The following INPP4B variants were observed in gnomAD, a reference collection of about 807,000 sequenced individuals.
The protein encoded by INPP4B is inositol polyphosphate 4-phosphatase type II.
Under a neutral mutation model 122.5 loss-of-function variants are expected in INPP4B, and 55 were observed. The observed-to-expected ratio is 0.45, with a 90% CI of 0.36 to 0.56. The LOEUF (loss-of-function observed/expected upper bound fraction) is 0.56. Ranked by LOEUF, INPP4B falls within the 20% of genes least tolerant of loss-of-function variation. The pLI, the probability that INPP4B is intolerant of heterozygous loss-of-function variation, is 0.00. For synonymous variants in INPP4B, 403 were observed against 388.7 expected, an observed-to-expected ratio of 1.04 and a Z score of -0.43; for missense variants, 1,000 against 1,097.7, an observed-to-expected ratio of 0.91 and a Z score of 1.26.
intron 2 of INPP4B, among the ~76,000 whole-genome samples, chr4:142,514,808 T>G (rs2149885970): frequency 6.8e-6 from 1 of 146,188 alleles, no homozygotes; most frequent in South Asian, 2.2e-4. Context: ...TTTTTTTTTT[T>G]TTTTTGAGAC....
chr4:142,785,606 T>A (rs1775654782), intron 1 of INPP4B, among the ~76,000 whole-genome samples: 1 of 151,992 alleles, frequency 6.6e-6, no homozygotes, highest in East Asian at 1.9e-4. Context: ...TTTGAAGATA[T>A]AATAATAGCA....
chr4:142,545,795 GTATATATATACACATATACATGTGTGTA>G lies in INPP4B; in HGVS notation c.-190-83097_-190-83070del, dbSNP rs201462044. Among the ~76,000 whole-genome samples the G allele has an allele frequency of 1.2e-3, 128 of 107,438 alleles. 2 individuals are homozygous for G. The highest frequency in any genetic ancestry group is 0.011 in the Middle Eastern group (2 of 190). The allele number at this position is 107,438 out of a possible 152,430, so 70.5% of individuals were successfully genotyped here. On this transcript the variant is annotated intron_variant, in intron 2 of 25. Transcript: ENST00000262992. ...TATATATATACACATATATATGTGT[GTATATATATACACATATACATGTGTGTA>G]TATATATATATATAAAATGGTCTGT...
chr4:142,346,698 T>C (rs1381481807), intron 7 of INPP4B, among the ~76,000 whole-genome samples: 2 of 151,918 alleles, frequency 1.3e-5, no homozygotes, highest in East Asian at 3.9e-4. Flanking sequence ...CTCAGTAAAA[T>C]AGATCAAATT....
chr4:142,745,463 CAT>C (rs1768574006), intron 1 of INPP4B, among the ~76,000 whole-genome samples: 1 of 151,882 alleles, frequency 6.6e-6, no homozygotes, highest in Non-Finnish European at 1.5e-5. Flanking sequence ...TGACCATTCA[CAT>C]GTTTTCTATA....
intron 2 of INPP4B, among the ~76,000 whole-genome samples, chr4:142,612,710 T>A (rs925698540): frequency 1.3e-5 from 2 of 152,180 alleles, no homozygotes; most frequent in African/African-American, 4.8e-5. Flanking sequence ...GGGCCTTTTT[T>A]ATGAGGGCAC....
Position 142,405,223 on chromosome 4 carries a change from T to A in INPP4B, c.238A>T (p.Ser80Cys), listed in dbSNP as rs1436286906. The A allele has an allele frequency of 6.2e-7, 1 of 1,603,254 alleles. No individual in the cohort carries two copies. Among genetic ancestry groups the A allele is most frequent in the South Asian group, 1.1e-5 (1 of 90,890 alleles). Residue 80 changes from serine to cysteine, a missense_variant, in exon 6 of 26, where the codon AGC (serine) becomes TGC (cysteine). Coordinates refer to ENST00000262992, the MANE Select transcript of INPP4B (RefSeq NM_001101669.3). Reference protein sequence around the residue: ...PVEQSLTRYSSTEIVEGTRDP... With the variant: ...PVEQSLTRYSCTEIVEGTRDP... ...CATCTCACCTCCACAATTTCGGTGC[T>A]GGAGTATCTTGTCAGACTCTGCTCC...
At chr4:142,157,950 C>T (rs1818084098) in intron 17 of INPP4B, among the ~76,000 whole-genome samples, 1 of 152,010 alleles carries the variant, frequency 6.6e-6, no homozygotes. Flanking sequence ...CACATCTTCA[C>T]ATCCTCCCTG....
chr4:142,652,905 G>C (rs1038767503), intron 2 of INPP4B, among the ~76,000 whole-genome samples: 2 of 152,118 alleles, frequency 1.3e-5, no homozygotes, highest in Non-Finnish European at 2.9e-5. Flanking sequence ...GCATTGCCAA[G>C]ACAATCCTAA....
chr4:142,428,499 C>T (rs1401652349), intron 5 of INPP4B, among the ~76,000 whole-genome samples: 1 of 149,894 alleles, frequency 6.7e-6, no homozygotes, highest in East Asian at 1.9e-4. Context: ...CTTTAAGTAC[C>T]TCTTTGTAGC....
chr4:142,540,999 C>T (rs1580324743), intron 2 of INPP4B, among the ~76,000 whole-genome samples: 1 of 152,130 alleles, frequency 6.6e-6, no homozygotes, highest in Non-Finnish European at 1.5e-5. Flanking sequence ...AAGACATGGT[C>T]GTCACATTGT....
chr4:142,369,587 A>AAAATAAAT (rs34391492), intron 7 of INPP4B, among the ~76,000 whole-genome samples: 1,495 of 142,440 alleles, frequency 0.01, 15 homozygotes, highest in East Asian at 0.027. Flanking sequence ...GAAAATTAAA[A>AAAATAAAT]AAATAAATAA....
chr4:142,026,314 T>C lies in INPP4B; in HGVS notation c.*2468A>G, dbSNP rs537645740. 3.2e-4 allele frequency: 49 copies of C among 152,344 alleles called. No individual in the cohort carries two copies. Among genetic ancestry groups the C allele is most frequent in the African/African-American group, 1.0e-3 (42 of 41,580 alleles). 9.4% of individuals were successfully genotyped at this position (152,344 alleles called of 1,614,324 possible). On this transcript the variant is annotated 3_prime_UTR_variant, in exon 26 of 26. Transcript: ENST00000262992. ...AGGAAAAAAGCAATATTGTTGTCTC[T>C]ATGAAACACATTTTCTTGATGAAAT...
intron 1 of INPP4B, among the ~76,000 whole-genome samples, chr4:142,806,786 GGAAAGAAAGAAAGAAAGAAAGAAA>G (rs60845921): frequency 6.6e-5 from 5 of 75,948 alleles, no homozygotes; most frequent in African/African-American, 1.0e-4. Context: ...AAAGAAAGAA[GGAAAGAAAGAAAGAAAGAAAGAAA>G]GAAAGAAAGA....
At chr4:142,693,305 T>C (rs1760500482) in intron 2 of INPP4B, among the ~76,000 whole-genome samples, 1 of 151,866 alleles carries the variant, frequency 6.6e-6, no homozygotes, top group Non-Finnish European at 1.5e-5. Context: ...GGTGCTCCTC[T>C]TTGAGTGTTT....
At chr4:142,435,294 A>C (rs1442023103) in intron 3 of INPP4B, among the ~76,000 whole-genome samples, 1 of 152,156 alleles carries the variant, frequency 6.6e-6, no homozygotes, top group Non-Finnish European at 1.5e-5. Flanking sequence ...GCTCTCACTT[A>C]GTGAGTGCTT....
At chr4:142,526,929 A>G (rs1375679151) in intron 2 of INPP4B, among the ~76,000 whole-genome samples, 2 of 152,064 alleles carry the variant, frequency 1.3e-5, no homozygotes, top group Non-Finnish European at 2.9e-5. Flanking sequence ...AAAATTTCAA[A>G]TATTTTAGAC....
intron 7 of INPP4B, among the ~76,000 whole-genome samples, chr4:142,377,188 TAACCTGGTTA>T (rs879544510): frequency 8.5e-5 from 13 of 152,120 alleles, no homozygotes; most frequent in Admixed American, 6.6e-4. Flanking sequence ...CCAAACAATC[TAACCTGGTTA>T]AACATTGGTC....
At chr4:142,199,817 T>C (rs1561461880) in intron 14 of INPP4B, among the ~76,000 whole-genome samples, 1 of 152,062 alleles carries the variant, frequency 6.6e-6, no homozygotes, top group Non-Finnish European at 1.5e-5. Flanking sequence ...GAGCATCATA[T>C]CAGTGTATGT....
At chr4:142,047,198 C>T (rs1752006214) in intron 25 of INPP4B, among the ~76,000 whole-genome samples, 2 of 152,006 alleles carry the variant, frequency 1.3e-5, no homozygotes, top group South Asian at 4.1e-4. Flanking sequence ...GTAATTTGCT[C>T]AGAGTTAACT....
Sources: gnomAD v4.1 joint callset for allele counts (sites outside exome capture counted in the v4.1 genomes callset) on GRCh38, gnomAD v4.1.1 for gene constraint, MANE v1.5 for transcripts, NCBI Gene and HGNC (gene_info 2026-07-23, HGNC 2026-07-21) for gene names.